The following LZTS3 variants were observed in gnomAD, a reference collection of about 807,000 sequenced individuals.
LZTS3 encodes the protein leucine zipper putative tumor suppressor 3.
In LZTS3, 16 loss-of-function variants were observed where a neutral mutation model predicts 50.9. The ratio of observed to expected loss-of-function variants is 0.31; its 90% CI spans 0.21 to 0.48. LZTS3 has a LOEUF of 0.48. Among genes scored for constraint, LZTS3 ranks in the 20% least tolerant of loss-of-function variants. The pLI, the probability that LZTS3 is intolerant of heterozygous loss-of-function variation, is 0.99. For missense variants in LZTS3, 816 were observed against 931.0 expected (o/e 0.88, Z 1.61); for synonymous variants, 408 against 410.6 (o/e 0.99, Z 0.08).
At chr20:3,171,180 C>T (rs747885676) in intron 1 of LZTS3, among the ~76,000 whole-genome samples, 4 of 152,064 alleles carry the variant, frequency 2.6e-5, no homozygotes, top group African/African-American at 7.3e-5. Flanking sequence ...CTCTGAGATC[C>T]GGGAAAGGAC....
At chr20:3,166,443 C>T (rs771021231) in intron 3 of LZTS3, 83 bp from the exon 4 acceptor site, 66 of 1,458,238 alleles carry the variant, frequency 4.5e-5, no homozygotes, top group Non-Finnish European at 6.0e-5. Context: ...CAAGACTTGT[C>T]CAGCCCCACC....
chr20:3,173,203 C>CG (rs1486882257), intron 1 of LZTS3, among the ~76,000 whole-genome samples: 2 of 152,086 alleles, frequency 1.3e-5, no homozygotes, highest in African/African-American at 4.8e-5. Flanking sequence ...CGTGTGGCCC[C>CG]GGGGGGCGGG....
intron 3 of LZTS3, 82 bp downstream of exon 3, chr20:3,166,623 G>A (rs1176322854): frequency 6.5e-7 from 1 of 1,526,962 alleles, no homozygotes; most frequent in Non-Finnish European, 8.9e-7. Flanking sequence ...CAACCTCCAA[G>A]AAGGCCCACT....
Position 3,166,729 on chromosome 20 carries a change from C to T in LZTS3, c.435G>A (p.Leu145=). ...CCTGGTCTAGCTTGCCAGAGGTGGCCAGGAGCTTGGGTGGGTGGCTGGGCT... is the reference window on the plus strand; with the variant it reads ...CCTGGTCTAGCTTGCCAGAGGTGGCTAGGAGCTTGGGTGGGTGGCTGGGCT... The part of the protein sequence containing the change: ...YREPSHPPKL[L]ATSGKLDQCS... Residue 145 remains leucine, a synonymous_variant, in exon 3 of 5, where the codon CTG becomes CTA. Transcript: ENST00000337576. The T allele has an allele frequency of 1.9e-6, 3 of 1,613,728 alleles. No homozygotes were observed. Among genetic ancestry groups the T allele is most frequent in the Non-Finnish European group, 2.5e-6 (3 of 1,179,806 alleles).
chr20:3,163,277 C>T lies in LZTS3; in HGVS notation c.*1177G>A, dbSNP rs2066758167. 6.5e-6 allele frequency: 1 copy of T among 152,702 alleles called. No individual in the cohort carries two copies. Among genetic ancestry groups the T allele is most frequent in the Non-Finnish European group, 1.5e-5 (1 of 68,146 alleles). The allele number at this position is 152,702 out of a possible 1,614,324, so 9.5% of individuals were successfully genotyped here. ...ACCTAACCCCTCATGCCAGGCCTAC[C>T]CTGGGCAGGTGCTGAGCCACCTCAG... On this transcript the variant is annotated 3_prime_UTR_variant, in exon 5 of 5. Transcript: ENST00000337576. This position sits in a 1 kb window ranked among gnomAD's most constrained non-coding sequence, Gnocchi z 5.2.
chr20:3,167,825 G>A lies in LZTS3; in HGVS notation c.-106C>T. The A allele has an allele frequency of 3.0e-6, 3 of 985,450 alleles. No homozygotes were observed. Among genetic ancestry groups the A allele is most frequent in the Non-Finnish European group, 3.6e-6 (3 of 829,968 alleles). The allele number at this position is 985,450 out of a possible 1,614,324, so 61.0% of individuals were successfully genotyped here. ...TTTCCAAGGGGTTGAGGGGCCGACGGGTCCTCAAGCCTGGGACCCTCCGAG... is the reference window on the plus strand; with the variant it reads ...TTTCCAAGGGGTTGAGGGGCCGACGAGTCCTCAAGCCTGGGACCCTCCGAG... On this transcript the variant is annotated 5_prime_UTR_variant, in exon 2 of 5. Coordinates refer to ENST00000337576, the MANE Select transcript of LZTS3 (RefSeq NM_001365618.1).
intron 3 of LZTS3, 108 bp from the exon 4 acceptor site, chr20:3,166,468 G>T: frequency 7.3e-7 from 1 of 1,371,874 alleles, no homozygotes; most frequent in Non-Finnish European, 9.7e-7. Flanking sequence ...ACCCCTACTG[G>T]ATTTCCACCC....
chr20:3,168,154 T>C (rs562540340), intron 1 of LZTS3, 193 bp from the exon 2 acceptor site: 3 of 152,198 alleles, frequency 2.0e-5, no homozygotes, highest in Admixed American at 1.3e-4. Flanking sequence ...CTGCAGTAGG[T>C]GGCAGGCCTG....
At chr20:3,168,858 C>T (rs955723713) in intron 1 of LZTS3, among the ~76,000 whole-genome samples, 10 of 152,198 alleles carry the variant, frequency 6.6e-5, no homozygotes, top group African/African-American at 2.4e-4. Flanking sequence ...CCGTCTTCTA[C>T]CCAGATGCCC....
At chr20:3,171,252 G>A (rs2066899384) in intron 1 of LZTS3, among the ~76,000 whole-genome samples, 1 of 152,144 alleles carries the variant, frequency 6.6e-6, no homozygotes, top group African/African-American at 2.4e-5. Flanking sequence ...TCTAGAGTGT[G>A]TGTAGTCCCT....
intron 1 of LZTS3, among the ~76,000 whole-genome samples, chr20:3,172,797 G>T (rs1182653045): frequency 6.6e-6 from 1 of 152,204 alleles, no homozygotes; most frequent in Non-Finnish European, 1.5e-5. Flanking sequence ...GGGGTTTCCA[G>T]GAAGCAGGAC....
At position 3,165,389 on chromosome 20, in the gene LZTS3, TCATCCCCCCCCC is replaced by T; in HGVS notation, c.1323+96_1323+107del. The T allele has an allele frequency of 8.1e-7, 1 of 1,229,604 alleles. No individual in the cohort carries two copies. Among genetic ancestry groups the T allele is most frequent in the Non-Finnish European group, 1.1e-6 (1 of 926,170 alleles). 76.2% of individuals were successfully genotyped at this position (1,229,604 alleles called of 1,614,324 possible). On this transcript the variant is annotated intron_variant, in intron 4 of 4. Transcript: ENST00000337576. The surrounding 1 kb of genome is among the most constrained non-coding windows in gnomAD (Gnocchi z 5.0). ...TTGATTTTTGTCCCCCCTGCTCCTT[TCATCCCCCCCCC>T]CATCCCACCGTTATGATAGTGAGGG...
intron 1 of LZTS3, among the ~76,000 whole-genome samples, chr20:3,170,642 A>G (rs1473025379): frequency 6.6e-6 from 1 of 151,750 alleles, no homozygotes; most frequent in African/African-American, 2.4e-5. Context: ...AATACAAAAA[A>G]ATTAGCTGGG....
Position 3,164,739 on chromosome 20 carries a change from C to T in LZTS3, c.1737G>A (p.Arg579=). Residue 579 remains arginine (R), a synonymous_variant, in exon 5 of 5, where the codon CGG becomes CGA. Coordinates refer to ENST00000337576, the MANE Select transcript of LZTS3 (RefSeq NM_001365618.1). ...GCTCAGCCGCCAGCTCGGCCTGCAG[C>T]CGCCCCACCTCCCGCCGCAGGGCCC... ...GTRALRREVG[R]LQAELAAERR... is the part of the protein sequence containing the mutation. 9 of 1,535,816 alleles carry T rather than the reference C, an allele frequency of 5.9e-6. No homozygotes were observed. Among genetic ancestry groups the T allele is most frequent in the East Asian group, 2.5e-5 (1 of 39,598 alleles).
rs2066807491 is a variant in LZTS3, at chr20:3,165,815, C to T, written c.1005G>A (p.Val335=). The T allele has an allele frequency of 1.9e-6, 3 of 1,601,010 alleles. No homozygotes were observed. The East Asian group carries it at 6.7e-5, about 36-fold the overall frequency. Residue 335 remains valine (V), a synonymous_variant, in exon 4 of 5, where the codon GTG becomes GTA. Transcript: ENST00000337576. This position sits in a 1 kb window ranked among gnomAD's most constrained non-coding sequence, Gnocchi z 5.0. ...GCTCCAGGCTGCGCCGCAGAGCTGC[C>T]ACCTCCTGCTCCTTCTCCCACAGCC... The part of the protein sequence containing the change: ...EERLWEKEQE[V]AALRRSLEQS...
At position 3,162,850 on chromosome 20, in the gene LZTS3, G is replaced by A. The variant is rs2066753819; in HGVS notation, c.*1604C>T. ...AGGTTCTAGGGCAGGTACAGTGAGG[G>A]GTGAATGGAATGGGCAGTGGTCGCC... On this transcript the variant is annotated 3_prime_UTR_variant, in exon 5 of 5. Coordinates refer to ENST00000337576, the MANE Select transcript of LZTS3 (RefSeq NM_001365618.1). This position sits in a 1 kb window ranked among gnomAD's most constrained non-coding sequence, Gnocchi z 5.0. 6.6e-6 allele frequency: 1 copy of A among 152,622 alleles called. No homozygotes were observed. The highest frequency in any genetic ancestry group is 1.5e-5 in the Non-Finnish European group (1 of 68,070). 9.5% of individuals were successfully genotyped at this position (152,622 alleles called of 1,614,324 possible). A position where few individuals can be genotyped will look rare whatever the true frequency, so the allele number is the denominator to read the frequency against.
chr20:3,166,037 G>T lies in LZTS3; in HGVS notation c.783C>A (p.Gly261=). 1 of 1,612,722 alleles carries T rather than the reference G, an allele frequency of 6.2e-7. No homozygotes were observed. The change falls in exon 4 of 5, where the codon GGC becomes GGA. Residue 261 remains glycine (G), a synonymous_variant. Transcript: ENST00000337576. ...IGTASYGSGS[G]GSSGGGSGYQ... ...AGCCCGACCCCCCACCGCTGCTGCC[G>T]CCACTACCACTACCATAGCTGGCAG...
intron 1 of LZTS3, among the ~76,000 whole-genome samples, chr20:3,173,183 C>A (rs1378827254): frequency 6.6e-6 from 1 of 152,128 alleles, no homozygotes; most frequent in Non-Finnish European, 1.5e-5. Flanking sequence ...CCCCAGGCTC[C>A]CCACCAACGC....
At chr20:3,172,391 C>G (rs1247063354) in intron 1 of LZTS3, among the ~76,000 whole-genome samples, 1 of 152,190 alleles carries the variant, frequency 6.6e-6, no homozygotes, top group East Asian at 1.9e-4. Context: ...TCCCCAGAAC[C>G]AGAGCAGAGC....
Sources: gnomAD v4.1 joint callset for allele counts (sites outside exome capture counted in the v4.1 genomes callset) on GRCh38, gnomAD v4.1.1 for gene constraint, Gnocchi (gnomAD v3.1) non-coding constraint, MANE v1.5 for transcripts, NCBI Gene and HGNC (gene_info 2026-07-23, HGNC 2026-07-21) for gene names.